The following CORO1C variants were observed in gnomAD, a reference collection of about 807,000 sequenced individuals.
CORO1C encodes coronin 1C.
A neutral mutation model predicts 51.2 loss-of-function variants in CORO1C; 14 were observed. The ratio of observed to expected loss-of-function variants is 0.27; its 90% CI spans 0.18 to 0.43. CORO1C has a LOEUF of 0.43. Ranked by LOEUF, CORO1C falls within the 20% of genes least tolerant of loss-of-function variation. The pLI, the probability that CORO1C is intolerant of heterozygous loss-of-function variation, is 1.00. For missense variants in CORO1C, 417 were observed against 607.8 expected (o/e 0.69, Z 3.30); for synonymous variants, 181 against 210.5 (o/e 0.86, Z 1.21).
At chr12:108,687,660 C>G (rs2136845408) in intron 2 of CORO1C, among the ~76,000 whole-genome samples, 1 of 151,710 alleles carries the variant, frequency 6.6e-6, no homozygotes, top group Admixed American at 6.6e-5. Flanking sequence ...TGGTGTGTGC[C>G]TATAGTCCCA....
At chr12:108,709,434 C>T (rs777613119) in intron 1 of CORO1C, among the ~76,000 whole-genome samples, 5 of 152,138 alleles carry the variant, frequency 3.3e-5, no homozygotes, top group African/African-American at 7.2e-5. Context: ...CATTTCAGCA[C>T]GGTATTTCTG....
chr12:108,688,968 T>A (rs968062325), intron 2 of CORO1C, among the ~76,000 whole-genome samples: 3 of 150,694 alleles, frequency 2.0e-5, no homozygotes, highest in African/African-American at 7.3e-5. Context: ...GAGACGGAGG[T>A]TGCAGTGAGC....
rs897585047 is a variant in CORO1C at position 108,648,855 on chromosome 12, A to C, written c.1060-5T>G. 2 of 1,614,094 alleles carry C rather than the reference A, an allele frequency of 1.2e-6. No individual in the cohort carries two copies. Among genetic ancestry groups the C allele is most frequent in the Non-Finnish European group, 8.5e-7 (1 of 1,179,974 alleles). On this transcript the variant is annotated splice_polypyrimidine_tract_variant and splice_region_variant and intron_variant, in intron 9 of 10. Transcript: ENST00000261401. ...GTCATCTTGGAAAAGGTCAGACTAC[A>C]AGAGACATTTGGCACCCGTGGGTAA... is the stretch of plus-strand genomic sequence containing the variant.
intron 1 of CORO1C, among the ~76,000 whole-genome samples, chr12:108,708,462 G>GTT (rs370271921): frequency 8.4e-4 from 121 of 143,708 alleles, no homozygotes; most frequent in Admixed American, 4.2e-4. Flanking sequence ...GTTGCTTAGA[G>GTT]TTTTTTTTTT....
chr12:108,676,219 G>C (rs2033905159), intron 3 of CORO1C, among the ~76,000 whole-genome samples: 1 of 152,126 alleles, frequency 6.6e-6, no homozygotes. Flanking sequence ...GACTGGGATG[G>C]GGCACATGGA....
chr12:108,722,255 A>G (rs1592954014), intron 1 of CORO1C, among the ~76,000 whole-genome samples: 2 of 152,238 alleles, frequency 1.3e-5, no homozygotes, highest in South Asian at 4.1e-4. Context: ...CCAACCCTGA[A>G]TAACAGCGGT....
At chr12:108,659,940 A>G (rs1398672079) in intron 4 of CORO1C, among the ~76,000 whole-genome samples, 1 of 152,240 alleles carries the variant, frequency 6.6e-6, no homozygotes, top group African/African-American at 2.4e-5. Flanking sequence ...TCACCATCTC[A>G]GCTCACCAAC....
At chr12:108,700,511 CAT>C (rs779966443) in intron 2 of CORO1C, among the ~76,000 whole-genome samples, 2 of 152,072 alleles carry the variant, frequency 1.3e-5, no homozygotes, top group Non-Finnish European at 2.9e-5. Flanking sequence ...TTGAAGAAAA[CAT>C]AGAACCATTC....
intron 2 of CORO1C, among the ~76,000 whole-genome samples, chr12:108,688,530 T>G (rs1171026136): frequency 6.6e-6 from 1 of 152,240 alleles, no homozygotes; most frequent in Non-Finnish European, 1.5e-5. Context: ...GACTGTTTCT[T>G]CATGTAAGAA....
intron 6 of CORO1C, among the ~76,000 whole-genome samples, chr12:108,655,899 G>A (rs547361254): frequency 3.3e-5 from 5 of 149,652 alleles, no homozygotes; most frequent in African/African-American, 1.2e-4. Context: ...AGTGAGGAGC[G>A]CCTCTTCCCG....
At chr12:108,653,470 A>G (rs976532267) in intron 7 of CORO1C, among the ~76,000 whole-genome samples, 1 of 152,202 alleles carries the variant, frequency 6.6e-6, no homozygotes, top group Admixed American at 6.5e-5. Flanking sequence ...CAGCTTTACC[A>G]CCCAGTGAAG....
At chr12:108,696,423 G>C (rs535639813) in intron 2 of CORO1C, 1 of 146,824 alleles carries the variant, frequency 6.8e-6, no homozygotes, top group Admixed American at 6.8e-5. Context: ...GGGAGGGGAC[G>C]GGGGGGTTGT....
chr12:108,721,507 T>G (rs1236322380), intron 1 of CORO1C, among the ~76,000 whole-genome samples: 1 of 152,254 alleles, frequency 6.6e-6, no homozygotes, highest in Non-Finnish European at 1.5e-5. Context: ...AATGTATTTT[T>G]TAAACTTTTA....
At chr12:108,719,426 A>G (rs959192803) in intron 1 of CORO1C, among the ~76,000 whole-genome samples, 3 of 152,250 alleles carry the variant, frequency 2.0e-5, no homozygotes, top group Non-Finnish European at 4.4e-5. Context: ...ACAGTTTTTC[A>G]GACTTTAGTA....
At chr12:108,716,356 C>G (rs548541800) in intron 1 of CORO1C, among the ~76,000 whole-genome samples, 2 of 152,060 alleles carry the variant, frequency 1.3e-5, no homozygotes, top group South Asian at 2.1e-4. Context: ...TTACTGGATG[C>G]TCATATCTTA....
chr12:108,715,948 C>T (rs754397581), intron 1 of CORO1C, among the ~76,000 whole-genome samples: 49 of 151,438 alleles, frequency 3.2e-4, no homozygotes, highest in Non-Finnish European at 6.9e-4. Context: ...CTGGCTAACA[C>T]GGTGAAACCC....
At position 108,648,687 on chromosome 12, in the gene CORO1C, T is replaced by C. The variant is rs2032494270; in HGVS notation, c.1223A>G (p.Asn408Ser). Residue 408 changes from asparagine (N) to serine (S), a missense_variant, in exon 10 of 11, where the codon AAC becomes AGC. Coordinates refer to ENST00000261401, the MANE Select transcript of CORO1C (RefSeq NM_014325.4). ...KNRDLKVVKK[N>S]ILDSKPTANK... ...TGCAGTGGGCTTGCTATCCAGAATG[T>C]TCTTCTTGACCACCTTGAGATCCCT... is the stretch of plus-strand genomic sequence containing the variant. 6.2e-7 allele frequency: 1 copy of C among 1,614,058 alleles called. No individual in the cohort carries two copies. Among genetic ancestry groups the C allele is most frequent in the South Asian group, 1.1e-5 (1 of 91,092 alleles).
At chr12:108,717,657 C>T (rs1179434613) in intron 1 of CORO1C, among the ~76,000 whole-genome samples, 1 of 152,164 alleles carries the variant, frequency 6.6e-6, no homozygotes, top group Admixed American at 6.5e-5. Context: ...TTGACTCATG[C>T]AACCAGATGG....
intron 3 of CORO1C, among the ~76,000 whole-genome samples, chr12:108,673,447 A>G (rs2033790777): frequency 6.6e-6 from 1 of 152,244 alleles, no homozygotes; most frequent in South Asian, 2.1e-4. Context: ...ATATAAAAGT[A>G]CAAGGGAAAG....
Sources: gnomAD v4.1 joint callset for allele counts (sites outside exome capture counted in the v4.1 genomes callset) on GRCh38, gnomAD v4.1.1 for gene constraint, MANE v1.5 for transcripts, NCBI Gene and HGNC (gene_info 2026-07-23, HGNC 2026-07-21) for gene names.